Variants in THEMIS observed in about 807,000 individuals in gnomAD.
The protein encoded by THEMIS is protein THEMIS.
Under a neutral mutation model 52.6 loss-of-function variants are expected in THEMIS, and 37 were observed. The observed-to-expected ratio is 0.70, with a 90% CI of 0.54 to 0.93. The LOEUF is 0.93. Among genes scored for constraint, THEMIS ranks in the 40% least tolerant of loss-of-function variants. The probability of loss-of-function intolerance (pLI) is 0.00; values close to 1 mark genes in which losing one functional copy is unlikely to be tolerated. For missense variants in THEMIS, 808 were observed against 763.1 expected, an observed-to-expected ratio of 1.06 and a Z score of -0.69; for synonymous variants, 292 against 272.7, an observed-to-expected ratio of 1.07 and a Z score of -0.70.
At chr6:127,878,362 A>G (rs192903445) in intron 1 of THEMIS, among the ~76,000 whole-genome samples, 1 of 152,272 alleles carries the variant, frequency 6.6e-6, no homozygotes, top group Non-Finnish European at 1.5e-5. Flanking sequence ...TGAACTTTTC[A>G]GGCAAGGTAC....
In THEMIS at chr6:127,709,521, G is replaced by A. The variant is rs1399697217; in HGVS notation, c.*464C>T. 3 of 152,680 alleles carry A rather than the reference G, an allele frequency of 2.0e-5. No individual in the cohort carries two copies. Among genetic ancestry groups the A allele is most frequent in the Admixed American group, 1.3e-4 (2 of 15,238 alleles). The allele number at this position is 152,680 out of a possible 1,614,324, so 9.5% of individuals were successfully genotyped here. A position where few individuals can be genotyped will look rare whatever the true frequency, so the allele number is the denominator to read the frequency against. On this transcript the variant is annotated 3_prime_UTR_variant, in exon 6 of 6. Transcript: ENST00000368248. ...AAACCTGAACATTTTAAATCAGTCAGATATAATTATTTTTCTGTAAGTTAG... is the reference window on the plus strand; with the variant it reads ...AAACCTGAACATTTTAAATCAGTCAAATATAATTATTTTTCTGTAAGTTAG...
chr6:127,832,777 CTTTTTTT>C (rs11355741), intron 2 of THEMIS, among the ~76,000 whole-genome samples: 9 of 57,798 alleles, frequency 1.6e-4, no homozygotes, highest in African/African-American at 6.1e-4. Flanking sequence ...ATTGTCAGAT[CTTTTTTT>C]TTTTTTTTTT....
chr6:127,721,998 C>T (rs1196880244), intron 4 of THEMIS, among the ~76,000 whole-genome samples: 1 of 151,966 alleles, frequency 6.6e-6, no homozygotes, highest in Admixed American at 6.6e-5. Flanking sequence ...TTTATTTACT[C>T]ATAAAAGGAT....
intron 2 of THEMIS, among the ~76,000 whole-genome samples, chr6:127,831,241 T>G (rs1363827191): frequency 2.0e-5 from 3 of 152,172 alleles, no homozygotes; most frequent in Admixed American, 2.0e-4. Flanking sequence ...AAGATACAGA[T>G]TTTTGTACAT....
chr6:127,918,539 C>T (rs1032187541), exon 1 of THEMIS: 1 of 152,204 alleles, frequency 6.6e-6, no homozygotes, highest in Non-Finnish European at 1.5e-5. Flanking sequence ...AAGAGCCTCT[C>T]ACCCCTACCC....
intron 2 of THEMIS, among the ~76,000 whole-genome samples, chr6:127,851,690 C>A (rs564626155): frequency 2.6e-5 from 4 of 151,796 alleles, no homozygotes; most frequent in South Asian, 2.1e-4. Flanking sequence ...ATTGACAAAG[C>A]AAAATGCTGG....
intron 2 of THEMIS, among the ~76,000 whole-genome samples, chr6:127,853,515 A>C (rs917986266): frequency 6.6e-6 from 1 of 151,668 alleles, no homozygotes; most frequent in Non-Finnish European, 1.5e-5. Flanking sequence ...AGTAAGAAAG[A>C]AATAGAATTG....
intron 4 of THEMIS, among the ~76,000 whole-genome samples, chr6:127,749,027 G>A (rs1389786074): frequency 6.6e-6 from 1 of 151,950 alleles, no homozygotes; most frequent in African/African-American, 2.4e-5. Flanking sequence ...TGAACTTTAA[G>A]GTCTCATTTA....
intron 4 of THEMIS, among the ~76,000 whole-genome samples, chr6:127,757,577 G>T (rs1006876541): frequency 1.3e-5 from 2 of 151,970 alleles, no homozygotes; most frequent in Admixed American, 6.6e-5. Flanking sequence ...CTGCCTCCCG[G>T]GTTCACGCCA....
intron 1 of THEMIS, among the ~76,000 whole-genome samples, chr6:127,914,239 G>T (rs1294639805): frequency 6.6e-6 from 1 of 152,126 alleles, no homozygotes; most frequent in African/African-American, 2.4e-5. Context: ...AGATTTTGGA[G>T]CATTTTGGAT....
At chr6:127,752,200 A>G (rs1775666614) in intron 4 of THEMIS, among the ~76,000 whole-genome samples, 1 of 151,704 alleles carries the variant, frequency 6.6e-6, no homozygotes, top group African/African-American at 2.4e-5. Context: ...AAATACCTAC[A>G]TTAAAAAAGA....
chr6:127,917,676 C>A (rs1034439695), intron 1 of THEMIS, among the ~76,000 whole-genome samples: 2 of 152,166 alleles, frequency 1.3e-5, no homozygotes, highest in Admixed American at 1.3e-4. Flanking sequence ...CTTTCAAGAC[C>A]ATGGTTAGTT....
intron 1 of THEMIS, among the ~76,000 whole-genome samples, chr6:127,871,368 T>G (rs1357580118): frequency 6.6e-6 from 1 of 152,018 alleles, no homozygotes; most frequent in Admixed American, 6.6e-5. Context: ...ATCAAAGTTG[T>G]AGGACATAGC....
At chr6:127,858,190 T>C (rs1251961427) in intron 1 of THEMIS, among the ~76,000 whole-genome samples, 1 of 152,214 alleles carries the variant, frequency 6.6e-6, no homozygotes, top group East Asian at 1.9e-4. Context: ...GAGAATTCTA[T>C]AAAAAGAAAT....
At chr6:127,718,432 C>T (rs535513845) in intron 5 of THEMIS, among the ~76,000 whole-genome samples, 8 of 151,850 alleles carry the variant, frequency 5.3e-5, no homozygotes, top group Non-Finnish European at 8.8e-5. Context: ...CTGTAACATA[C>T]GCTGTACTAC....
At chr6:127,853,302 C>T (rs1173471476) in intron 2 of THEMIS, among the ~76,000 whole-genome samples, 1 of 151,600 alleles carries the variant, frequency 6.6e-6, no homozygotes, top group African/African-American at 2.4e-5. Flanking sequence ...TTAAGAGAGG[C>T]ATCTTATAAA....
chr6:127,791,471 G>A lies in THEMIS; in HGVS notation c.1758+21412C>T, dbSNP rs9482839. ...GTCCAAGATTTTTATGGGCTTAAGAGGGGAGAAAGTAGGTGCTGATCGGCC... is the reference window on the plus strand; with the variant it reads ...GTCCAAGATTTTTATGGGCTTAAGAAGGGAGAAAGTAGGTGCTGATCGGCC... On this transcript the variant is annotated intron_variant, in intron 4 of 5. Transcript: ENST00000368248. Among the ~76,000 whole-genome samples, 229 of 152,306 alleles carry A rather than the reference G, an allele frequency of 1.5e-3. 1 individual carries two copies. Among genetic ancestry groups the A allele is most frequent in the African/African-American group, 4.9e-3 (204 of 41,576 alleles).
intron 1 of THEMIS, among the ~76,000 whole-genome samples, chr6:127,858,423 G>A (rs963353473): frequency 6.6e-6 from 1 of 152,062 alleles, no homozygotes; most frequent in African/African-American, 2.4e-5. Context: ...AAAGTGTTCA[G>A]AGATGTCCAG....
At chr6:127,775,404 T>C (rs1356665562) in intron 4 of THEMIS, among the ~76,000 whole-genome samples, 1 of 152,174 alleles carries the variant, frequency 6.6e-6, no homozygotes, top group Non-Finnish European at 1.5e-5. Flanking sequence ...GGGTTACTTG[T>C]GAAGACCCTC....
Sources: gnomAD v4.1 joint callset for allele counts (sites outside exome capture counted in the v4.1 genomes callset) on GRCh38, gnomAD v4.1.1 for gene constraint, MANE v1.5 for transcripts, NCBI Gene and HGNC (gene_info 2026-07-23, HGNC 2026-07-21) for gene names.